Variants in IDO1 observed in about 807,000 individuals in gnomAD.
The protein encoded by IDO1 is indoleamine 2,3-dioxygenase 1.
In IDO1, 35 loss-of-function variants were observed where a neutral mutation model predicts 38.8. The ratio of observed to expected loss-of-function variants is 0.90; its 90% CI spans 0.69 to 1.20. The LOEUF is 1.20. Ranked by LOEUF, IDO1 falls within the 50% of genes most tolerant of loss-of-function variation. The pLI is 0.00. For synonymous variants in IDO1, 171 were observed against 170.0 expected, an observed-to-expected ratio of 1.01 and a Z score of -0.05; for missense variants, 509 against 485.1, an observed-to-expected ratio of 1.05 and a Z score of -0.46.
At position 39,928,128 on chromosome 8, in the gene IDO1, G is replaced by A; in HGVS notation, c.1155G>A (p.Met385Ile). The change falls in exon 10 of 10, where the codon ATG becomes ATA. Residue 385 changes from methionine to isoleucine, a missense_variant. Transcript: ENST00000518237. ...AAGGAACTGGAGGCACTGATTTAAT[G>A]AATTTCCTGAAGACTGTAAGAAGTA... is the stretch of plus-strand genomic sequence containing the variant. ...EAKGTGGTDLMNFLKTVRSTT... is the reference protein window; with the variant it reads ...EAKGTGGTDLINFLKTVRSTT... 6.2e-7 allele frequency: 1 copy of A among 1,613,438 alleles called. No individual in the cohort carries two copies. The highest frequency in any genetic ancestry group is 8.5e-7 in the Non-Finnish European group (1 of 1,179,680).
chr8:39,926,084 G>A (rs1807355523), intron 9 of IDO1, among the ~76,000 whole-genome samples: 1 of 152,056 alleles, frequency 6.6e-6, no homozygotes, highest in African/African-American at 2.4e-5. Flanking sequence ...CTACTCGGGA[G>A]ACTGAGGCAG....
Position 39,924,174 on chromosome 8 carries a change from T to C in IDO1, c.656-547T>C, listed in dbSNP as rs143069340. Among the ~76,000 whole-genome samples the C allele has an allele frequency of 4.0e-3, 612 of 152,226 alleles. 5 individuals are homozygous for C. The highest frequency in any genetic ancestry group is 0.014 in the African/African-American group (587 of 41,524). On this transcript the variant is annotated intron_variant, in intron 7 of 9. Coordinates refer to ENST00000518237, the MANE Select transcript of IDO1 (RefSeq NM_002164.6). ...CTCTGGGTTTTGAGTTATTGCTGTT[T>C]AGTCCTTGGCAAGAAGCTAGATTTT...
intron 6 of IDO1, 141 bp from the exon 7 acceptor site, chr8:39,923,328 C>T (rs567715539): frequency 4.8e-5 from 25 of 518,148 alleles, no homozygotes; most frequent in South Asian, 1.9e-4. Flanking sequence ...GGCGTGAACC[C>T]GGGAGGCAGA....
intron 9 of IDO1, 80 bp downstream of exon 9, chr8:39,925,451 C>A: frequency 7.5e-7 from 1 of 1,341,574 alleles, no homozygotes; most frequent in East Asian, 2.6e-5. Flanking sequence ...ACCTTCCCAT[C>A]AGCATCTTAT....
rs1586215532 is a variant in IDO1 at position 39,928,629 on chromosome 8, A to C, written c.*444A>C. 4.0e-5 allele frequency among the ~76,000 whole-genome samples: 6 copies of C among 151,420 alleles called. No individual in the cohort carries two copies. In the East Asian group the frequency reaches 1.2e-3, roughly 30 times the overall value. On this transcript the variant is annotated 3_prime_UTR_variant, in exon 10 of 10. Coordinates refer to ENST00000518237, the MANE Select transcript of IDO1 (RefSeq NM_002164.6). ...GCACCTGTAGTCCCAGCTACTCGGG[A>C]GGCTGAGGCAGGAGAATGGCGTGAA...
chr8:39,919,128 G>T, intron 4 of IDO1, 195 bp downstream of exon 4: 1 of 719,990 alleles, frequency 1.4e-6, no homozygotes. Flanking sequence ...TGTGACAGGT[G>T]TATAGTTAAC....
intron 9 of IDO1, among the ~76,000 whole-genome samples, chr8:39,925,646 G>C (rs1807348181): frequency 6.6e-6 from 1 of 152,136 alleles, no homozygotes. Flanking sequence ...CACTTCGGGA[G>C]ACCTAGGCAG....
At chr8:39,927,753 T>G in intron 9 of IDO1, 77 bp from the exon 10 acceptor site, 1 of 861,258 alleles carries the variant, frequency 1.2e-6, no homozygotes, top group Admixed American at 2.9e-5. Context: ...CTGCCCACTC[T>G]GACCTCACTC....
chr8:39,920,400 T>C (rs1388474874), intron 5 of IDO1, among the ~76,000 whole-genome samples: 1 of 152,236 alleles, frequency 6.6e-6, no homozygotes. Flanking sequence ...CATACATCTG[T>C]GTATCTATGA....
At chr8:39,915,639 C>G (rs1237289659) in intron 1 of IDO1, 1 of 152,194 alleles carries the variant, frequency 6.6e-6, no homozygotes, top group Non-Finnish European at 1.5e-5. Context: ...GCCCGCAGAT[C>G]TACAAAAATG....
intron 4 of IDO1, among the ~76,000 whole-genome samples, chr8:39,919,588 G>C (rs574468821): frequency 4.6e-5 from 7 of 152,276 alleles, no homozygotes; most frequent in African/African-American, 1.7e-4. Flanking sequence ...GTCTCTGGGT[G>C]TGTGCCTGTA....
intron 1 of IDO1, 85 bp downstream of exon 1, chr8:39,914,094 G>A: frequency 1.1e-6 from 1 of 924,270 alleles, no homozygotes. Flanking sequence ...GAACAACTGT[G>A]GTTCAGTAAC....
rs1164279061 is a variant in IDO1, at chr8:39,928,687, T to G, written c.*502T>G. Among the ~76,000 whole-genome samples, 1 of 150,190 alleles carries G rather than the reference T, an allele frequency of 6.7e-6. No homozygotes were observed. Among genetic ancestry groups the G allele is most frequent in the Non-Finnish European group, 1.5e-5 (1 of 67,728 alleles). On this transcript the variant is annotated 3_prime_UTR_variant, in exon 10 of 10. Coordinates refer to ENST00000518237, the MANE Select transcript of IDO1 (RefSeq NM_002164.6). The stretch of plus-strand genomic sequence containing the variant: ...GGCGGAGCTTGCAGTGAGCCAAGAT[T>G]GTGCCACTGCAATCCGGCCTGGGCT...
At position 39,925,344 on chromosome 8, in the gene IDO1, C is replaced by CTGGG; in HGVS notation, c.830_833dup (p.Ile279GlyfsTer41). 2 of 1,612,960 alleles carry CTGGG rather than the reference C, an allele frequency of 1.2e-6. No homozygotes were observed. The stretch of plus-strand genomic sequence containing the variant: ...CGTCTTTCAGTGCTTTGACGTCCTG[C>CTGGG]TGGGCATCCAGCAGACTGCTGGTGG... On this transcript the variant is annotated frameshift_variant, in exon 9 of 10. Transcript: ENST00000518237. LOFTEE classifies it low-confidence loss of function (END_TRUNC).
rs113527685 is a variant in IDO1, at chr8:39,916,061, G to A, written c.88-1814G>A. Reference sequence around the variant, plus strand: ...TACACCTGTAATCCTCGCTACTCAGGAGGCTGAGGCAGGAGAATCGCTTGA... The same window carrying A: ...TACACCTGTAATCCTCGCTACTCAGAAGGCTGAGGCAGGAGAATCGCTTGA... On this transcript the variant is annotated intron_variant, in intron 1 of 9. Transcript: ENST00000518237. Among the ~76,000 whole-genome samples, 11 of 152,210 alleles carry A rather than the reference G, an allele frequency of 7.2e-5. 1 individual carries two copies. The highest frequency in any genetic ancestry group is 2.6e-4 in the African/African-American group (11 of 41,522).
At chr8:39,920,146 ATTAT>A (rs1158351900) in intron 5 of IDO1, 32 bp downstream of exon 5, 1 of 1,565,720 alleles carries the variant, frequency 6.4e-7, no homozygotes, top group Non-Finnish European at 8.7e-7. Context: ...GATTCTAAGA[ATTAT>A]TTGTTACTTA....
In IDO1 at chr8:39,915,072, C is replaced by T. The variant is rs113436964; in HGVS notation, c.87+1063C>T. ...GTGAGCCACTGCACCCGGCCAGAAACGTATGTTATTATCCTCATGTTCCTA... is the reference window on the plus strand; with the variant it reads ...GTGAGCCACTGCACCCGGCCAGAAATGTATGTTATTATCCTCATGTTCCTA... On this transcript the variant is annotated intron_variant, in intron 1 of 9. Transcript: ENST00000518237. Among the ~76,000 whole-genome samples, 10 of 152,058 alleles carry T rather than the reference C, an allele frequency of 6.6e-5. 1 individual carries two copies. Among genetic ancestry groups the T allele is most frequent in the African/African-American group, 2.4e-4 (10 of 41,524 alleles).
intron 8 of IDO1, 140 bp from the exon 9 acceptor site, chr8:39,925,083 G>A (rs1298780636): frequency 1.0e-5 from 8 of 764,002 alleles, no homozygotes; most frequent in Non-Finnish European, 1.7e-5. Flanking sequence ...AAATGAGCAG[G>A]GGCAAGGGGG....
chr8:39,923,355 G>C (rs1807304656), intron 6 of IDO1, 114 bp from the exon 7 acceptor site: 3 of 600,666 alleles, frequency 5.0e-6, no homozygotes, highest in Non-Finnish European at 8.8e-6. Flanking sequence ...AGTGAGCTGA[G>C]ATCGCGCCAC....
Sources: gnomAD v4.1 joint callset for allele counts (sites outside exome capture counted in the v4.1 genomes callset) on GRCh38, gnomAD v4.1.1 for gene constraint, MANE v1.5 for transcripts, NCBI Gene and HGNC (gene_info 2026-07-23, HGNC 2026-07-21) for gene names.